HS6ST3: variants seen among roughly 807,000 people sequenced by gnomAD.
The protein encoded by HS6ST3 is heparan-sulfate 6-O-sulfotransferase 3.
Under a neutral mutation model 36.7 loss-of-function variants are expected in HS6ST3, and 12 were observed. The ratio of observed to expected loss-of-function variants is 0.33; its 90% confidence interval spans 0.21 to 0.53. The LOEUF (loss-of-function observed/expected upper bound fraction) is 0.53, where lower values mean the gene tolerates loss of function less well. HS6ST3 is among the 20% of genes least tolerant of loss of function. HS6ST3 has a pLI of 0.95. For missense variants in HS6ST3, 584 were observed against 640.9 expected (o/e 0.91, Z 0.96); for synonymous variants, 240 against 257.5 (o/e 0.93, Z 0.65).
At chr13:96,466,848 G>C (rs2055816814) in intron 1 of HS6ST3, among the ~76,000 whole-genome samples, 1 of 152,194 alleles carries the variant, frequency 6.6e-6, no homozygotes, top group African/African-American at 2.4e-5. Context: ...GAAATCTCCT[G>C]TGATGAGACA....
chr13:96,640,359 G>A (rs531629597), intron 1 of HS6ST3, among the ~76,000 whole-genome samples: 2 of 152,028 alleles, frequency 1.3e-5, no homozygotes, highest in African/African-American at 4.8e-5. Context: ...CTGCTTATAT[G>A]TCTTCTTTTG....
intron 1 of HS6ST3, chr13:96,574,236 A>G: frequency 2.1e-6 from 1 of 470,556 alleles, no homozygotes; most frequent in Non-Finnish European, 4.3e-6. Flanking sequence ...GCTAGTGATT[A>G]CCTGGACTGG....
At chr13:96,446,045 T>C (rs1054770431) in intron 1 of HS6ST3, among the ~76,000 whole-genome samples, 22 of 151,530 alleles carry the variant, frequency 1.5e-4, no homozygotes, top group East Asian at 3.9e-4. Context: ...TGGTGGCGGG[T>C]GCCTGTAGTC....
intron 1 of HS6ST3, among the ~76,000 whole-genome samples, chr13:96,148,325 T>G (rs929988999): frequency 6.6e-6 from 1 of 152,204 alleles, no homozygotes; most frequent in Non-Finnish European, 1.5e-5. Context: ...AGCTATATAT[T>G]CAATGAGAGA....
intron 1 of HS6ST3, among the ~76,000 whole-genome samples, chr13:96,218,641 C>T (rs532001978): frequency 4.6e-5 from 7 of 151,994 alleles, no homozygotes; most frequent in Non-Finnish European, 5.9e-5. Context: ...CAGGAAGACA[C>T]GTGTCATGGT....
At chr13:96,730,094 A>G (rs1486704837) in intron 1 of HS6ST3, among the ~76,000 whole-genome samples, 1 of 152,206 alleles carries the variant, frequency 6.6e-6, no homozygotes, top group Non-Finnish European at 1.5e-5. Flanking sequence ...CTTTGCATAT[A>G]ATATTATCTC....
chr13:96,174,081 T>G (rs2054201635), intron 1 of HS6ST3, among the ~76,000 whole-genome samples: 1 of 152,222 alleles, frequency 6.6e-6, no homozygotes, highest in Admixed American at 6.5e-5. Flanking sequence ...AAACAGGTTA[T>G]AAGTGAAAGC....
intron 1 of HS6ST3, among the ~76,000 whole-genome samples, chr13:96,638,422 T>C (rs543947880): frequency 6.6e-6 from 1 of 152,154 alleles, no homozygotes; most frequent in South Asian, 2.1e-4. Context: ...TCTACTGCAG[T>C]TTCTTCATCT....
chr13:96,678,690 A>T (rs2056707688), intron 1 of HS6ST3, among the ~76,000 whole-genome samples: 1 of 151,998 alleles, frequency 6.6e-6, no homozygotes, highest in Non-Finnish European at 1.5e-5. Flanking sequence ...TAAAAAAAAA[A>T]CAAAACTAAA....
Position 96,302,675 on chromosome 13 carries a change from GCTTT to G in HS6ST3, c.707+211109_707+211112del, listed in dbSNP as rs1193866849. 3.9e-5 allele frequency among the ~76,000 whole-genome samples: 6 copies of G among 151,978 alleles called. No individual in the cohort carries two copies. The East Asian group carries it at 1.2e-3, about 29-fold the overall frequency. ...TGTTGTGAGATTAGAGAGAACTTTTGCTTTCTATTTCAAAATTTTCTTCAATAAA... is the reference window on the plus strand; with the variant it reads ...TGTTGTGAGATTAGAGAGAACTTTTGCTATTTCAAAATTTTCTTCAATAAA... On this transcript the variant is annotated intron_variant, in intron 1 of 1. Transcript: ENST00000376705.
intron 1 of HS6ST3, among the ~76,000 whole-genome samples, chr13:96,359,631 A>G (rs1163370066): frequency 1.3e-5 from 2 of 151,794 alleles, no homozygotes; most frequent in African/African-American, 4.8e-5. Flanking sequence ...AGGTTCTTTC[A>G]TTGACACATA....
intron 1 of HS6ST3, among the ~76,000 whole-genome samples, chr13:96,449,925 G>A (rs980465104): frequency 3.9e-5 from 6 of 152,132 alleles, no homozygotes; most frequent in Non-Finnish European, 7.3e-5. Flanking sequence ...TGTGCATTAC[G>A]TTATATTGCT....
At chr13:96,696,691 C>T (rs951694641) in intron 1 of HS6ST3, among the ~76,000 whole-genome samples, 1 of 152,120 alleles carries the variant, frequency 6.6e-6, no homozygotes, top group Non-Finnish European at 1.5e-5. Flanking sequence ...ACACAAATGA[C>T]CTTTATACTT....
chr13:96,817,791 A>G (rs1021699427), intron 1 of HS6ST3, among the ~76,000 whole-genome samples: 2 of 152,156 alleles, frequency 1.3e-5, no homozygotes, highest in Non-Finnish European at 2.9e-5. Flanking sequence ...TCTGCTTATC[A>G]CCAAGAGAAA....
At chr13:96,735,530 A>G (rs546539623) in intron 1 of HS6ST3, among the ~76,000 whole-genome samples, 10 of 152,218 alleles carry the variant, frequency 6.6e-5, no homozygotes, top group Admixed American at 3.9e-4. Flanking sequence ...ATATTGGTAT[A>G]TTGGATCAGA....
At chr13:96,669,578 A>C (rs2138430221) in intron 1 of HS6ST3, among the ~76,000 whole-genome samples, 1 of 152,280 alleles carries the variant, frequency 6.6e-6, no homozygotes, top group Admixed American at 6.5e-5. Context: ...AAGAGTTGGT[A>C]ACCAGGGCAT....
At chr13:96,745,966 T>G (rs1876550881) in intron 1 of HS6ST3, among the ~76,000 whole-genome samples, 2 of 152,038 alleles carry the variant, frequency 1.3e-5, no homozygotes, top group African/African-American at 4.8e-5. Flanking sequence ...AGTAGCAGTT[T>G]CTGATTGGTT....
chr13:96,592,510 G>A (rs144506781), intron 1 of HS6ST3, among the ~76,000 whole-genome samples: 90 of 152,228 alleles, frequency 5.9e-4, no homozygotes, highest in African/African-American at 2.0e-3. Flanking sequence ...TTACCAGTGA[G>A]TTTTGTAATT....
intron 1 of HS6ST3, among the ~76,000 whole-genome samples, chr13:96,718,016 T>C (rs1271131525): frequency 6.6e-6 from 1 of 152,202 alleles, no homozygotes; most frequent in African/African-American, 2.4e-5. Context: ...CCAGTCTCCC[T>C]GTCTTAGACT....
Sources: allele counts gnomAD v4.1 joint callset (sites outside exome capture counted in the v4.1 genomes callset), GRCh38; gene constraint gnomAD v4.1.1; transcripts MANE v1.5; gene names NCBI Gene and HGNC (gene_info 2026-07-23, HGNC 2026-07-21).